RBFOX1: variants seen among roughly 807,000 people sequenced by gnomAD.
The protein encoded by RBFOX1 is RNA binding protein fox-1 homolog 1.
A neutral mutation model predicts 57.7 loss-of-function variants in RBFOX1; 8 were observed. The observed-to-expected ratio is 0.14, with a 90% CI of 0.08 to 0.25. RBFOX1 has a LOEUF of 0.25. RBFOX1 is among the 10% of genes least tolerant of loss of function. The pLI, the probability that RBFOX1 is intolerant of heterozygous loss-of-function variation, is 1.00. For synonymous variants in RBFOX1, 326 were observed against 222.4 expected, an observed-to-expected ratio of 1.47 and a Z score of -4.15; for missense variants, 611 against 548.5, an observed-to-expected ratio of 1.11 and a Z score of -1.14.
chr16:5,287,773 A>G (rs146169401), intron 1 of RBFOX1, among the ~76,000 whole-genome samples: 2,604 of 152,310 alleles, frequency 0.017, 32 homozygotes, highest in Non-Finnish European at 0.027. Flanking sequence ...TTAATATTCC[A>G]GTGGCCAAAG....
chr16:5,587,999 C>G (rs973111296), intron 2 of RBFOX1, among the ~76,000 whole-genome samples: 1 of 152,160 alleles, frequency 6.6e-6, no homozygotes, highest in Non-Finnish European at 1.5e-5. Context: ...AAGGTGGTCT[C>G]TCTATGCAAT....
At chr16:6,563,710 T>A (rs751487485) in intron 2 of RBFOX1, among the ~76,000 whole-genome samples, 6 of 151,760 alleles carry the variant, frequency 4.0e-5, no homozygotes, top group Non-Finnish European at 7.4e-5. Flanking sequence ...CCAAGCATGG[T>A]GGCACACACT....
At chr16:7,600,628 A>C (rs78372591) in intron 9 of RBFOX1, among the ~76,000 whole-genome samples, 4,523 of 152,286 alleles carry the variant, frequency 0.03, 212 homozygotes, top group African/African-American at 0.1. Context: ...CAAAATTATA[A>C]ATTACTGGAG....
At chr16:7,447,201 G>A (rs1395794318) in intron 4 of RBFOX1, among the ~76,000 whole-genome samples, 1 of 151,926 alleles carries the variant, frequency 6.6e-6, no homozygotes, top group East Asian at 2.0e-4. Context: ...GGAGGCCAAG[G>A]CTGGCAGATT....
At chr16:6,370,562 G>A (rs967936508) in intron 2 of RBFOX1, among the ~76,000 whole-genome samples, 28 of 152,068 alleles carry the variant, frequency 1.8e-4, no homozygotes, top group Non-Finnish European at 2.6e-4. Flanking sequence ...GAAACATTAC[G>A]CTAAGTGAAA....
intron 1 of RBFOX1, among the ~76,000 whole-genome samples, chr16:5,445,086 T>C (rs1297727294): frequency 1.3e-5 from 2 of 152,282 alleles, no homozygotes; most frequent in East Asian, 3.9e-4. Flanking sequence ...TCTGGGTTAC[T>C]CTGGCAGGTA....
At chr16:5,619,708 C>T (rs1017859708) in intron 3 of RBFOX1, among the ~76,000 whole-genome samples, 6 of 152,112 alleles carry the variant, frequency 3.9e-5, no homozygotes, top group African/African-American at 9.7e-5. Flanking sequence ...AGAGGAGGCT[C>T]CACTGGGAGC....
intron 3 of RBFOX1, among the ~76,000 whole-genome samples, chr16:5,706,334 T>G (rs1412232153): frequency 6.6e-6 from 1 of 152,106 alleles, no homozygotes; most frequent in Non-Finnish European, 1.5e-5. Flanking sequence ...AAGATGAGAG[T>G]GGAAATACAG....
chr16:7,692,378 T>G (rs1052706705), intron 14 of RBFOX1, among the ~76,000 whole-genome samples: 1 of 152,158 alleles, frequency 6.6e-6, no homozygotes, highest in South Asian at 2.1e-4. Context: ...TTAAGATGTT[T>G]TAAGAAATGC....
chr16:5,580,320 G>C (rs2046620972), intron 2 of RBFOX1, among the ~76,000 whole-genome samples: 1 of 152,222 alleles, frequency 6.6e-6, no homozygotes, highest in Non-Finnish European at 1.5e-5. Flanking sequence ...CAGCTGCAGG[G>C]ACTGATTGGT....
At chr16:7,301,235 G>A (rs2096023311) in intron 4 of RBFOX1, among the ~76,000 whole-genome samples, 1 of 152,196 alleles carries the variant, frequency 6.6e-6, no homozygotes, top group South Asian at 2.1e-4. Context: ...GTTATCAATG[G>A]AAAAGTGTTC....
intron 2 of RBFOX1, among the ~76,000 whole-genome samples, chr16:6,650,978 C>G (rs999131794): frequency 3.3e-5 from 5 of 152,214 alleles, no homozygotes; most frequent in African/African-American, 1.2e-4. Flanking sequence ...TCCCGGCTTA[C>G]TGCATCCTCC....
chr16:5,357,649 A>C (rs938754), intron 1 of RBFOX1, among the ~76,000 whole-genome samples: 152,214 of 152,354 alleles, frequency 1, 76,037 homozygotes, highest in Middle Eastern at 1. Context: ...ATGCTTCTGG[A>C]TCATGAACCA....
At chr16:6,886,182 C>G (rs532117810) in intron 3 of RBFOX1, among the ~76,000 whole-genome samples, 2 of 151,874 alleles carry the variant, frequency 1.3e-5, no homozygotes, top group Non-Finnish European at 2.9e-5. Flanking sequence ...CTGCCTCAGC[C>G]TCCTGAGTAG....
chr16:5,755,404 G>T (rs1176705572), intron 3 of RBFOX1, among the ~76,000 whole-genome samples: 3 of 152,164 alleles, frequency 2.0e-5, no homozygotes, highest in Non-Finnish European at 4.4e-5. Context: ...AAGACTGGGA[G>T]ACCAGGAAGG....
chr16:6,482,928 G>T (rs932003536), intron 2 of RBFOX1, among the ~76,000 whole-genome samples: 4 of 152,214 alleles, frequency 2.6e-5, no homozygotes, highest in Non-Finnish European at 5.9e-5. Flanking sequence ...GTTAAAATTG[G>T]TTGTCAAGTG....
intron 2 of RBFOX1, among the ~76,000 whole-genome samples, chr16:6,577,534 C>G (rs1296795027): frequency 6.6e-6 from 1 of 152,160 alleles, no homozygotes; most frequent in Admixed American, 6.5e-5. Flanking sequence ...TATAACACAA[C>G]AAAGGTTTAT....
At chr16:6,498,142 C>G (rs898819505) in intron 2 of RBFOX1, among the ~76,000 whole-genome samples, 1 of 151,548 alleles carries the variant, frequency 6.6e-6, no homozygotes, top group Admixed American at 6.6e-5. Context: ...GTCCCAGCTA[C>G]CTGGAAGGCT....
intron 3 of RBFOX1, among the ~76,000 whole-genome samples, chr16:6,917,473 C>T (rs1039000777): frequency 4.6e-5 from 7 of 152,212 alleles, no homozygotes; most frequent in South Asian, 2.1e-4. Context: ...TTTCTGTCTC[C>T]GCCTTCTTTA....
Sources: gnomAD v4.1 joint callset for allele counts (sites outside exome capture counted in the v4.1 genomes callset) on GRCh38, gnomAD v4.1.1 for gene constraint, MANE v1.5 for transcripts, NCBI Gene and HGNC (gene_info 2026-07-23, HGNC 2026-07-21) for gene names.